Variants in ZNF432 observed in about 807,000 individuals in gnomAD.
The protein encoded by ZNF432 is zinc finger protein 432.
A neutral mutation model predicts 13.9 loss-of-function variants in ZNF432; 10 were observed. That is an observed-to-expected ratio of 0.72 (90% confidence interval 0.44 to 1.22). The LOEUF is 1.22. Among genes scored for constraint, ZNF432 ranks in the 50% most tolerant of loss-of-function variants. The pLI is 0.00. For synonymous variants in ZNF432, 247 were observed against 256.2 expected, an observed-to-expected ratio of 0.96 and a Z score of 0.34; for missense variants, 793 against 796.2, an observed-to-expected ratio of 1.00 and a Z score of 0.05.
intron 4 of ZNF432, 26 bp from the exon 5 acceptor site, chr19:52,035,466 C>T (rs2087072048): frequency 2.7e-6 from 4 of 1,487,436 alleles, no homozygotes; most frequent in Non-Finnish European, 3.6e-6. Flanking sequence ...ACAATGAATC[C>T]TTTTATAATC....
chr19:52,036,836 G>T lies in ZNF432; in HGVS notation c.239-1396C>A, dbSNP rs149126925. On this transcript the variant is annotated intron_variant, in intron 4 of 4. Transcript: ENST00000221315. ...CAGGCACATGCAACCATGCCTGATT[G>T]ATTTTTGTATTGTTTGTAGAGATGG... 3.0e-3 allele frequency among the ~76,000 whole-genome samples: 450 copies of T among 152,188 alleles called. 3 individuals carry two copies. Among genetic ancestry groups the T allele is most frequent in the Middle Eastern group, 0.017 (5 of 294 alleles).
At chr19:52,036,462 T>G (rs530021814) in intron 4 of ZNF432, among the ~76,000 whole-genome samples, 11 of 152,352 alleles carry the variant, frequency 7.2e-5, no homozygotes, top group African/African-American at 2.6e-4. Context: ...ACTAACTATA[T>G]GGCTTGAGCC....
chr19:52,035,186 A>G lies in ZNF432; in HGVS notation c.493T>C (p.Phe165Leu), dbSNP rs755916489. ...STKFSGDGKS[F>L]LHGNYEELYS... ...AGTTCTTCATAGTTACCATGAAGAA[A>G]TGATTTCCCATCTCCACTAAATTTA... Residue 165 changes from phenylalanine to leucine, a missense_variant, in exon 5 of 5, where the codon TTT (phenylalanine) becomes CTT (leucine). Physicochemically the swap from Phe to Leu is conservative, Grantham distance 22. Transcript: ENST00000221315. 3.7e-6 allele frequency: 6 copies of G among 1,613,168 alleles called. No individual in the cohort carries two copies. In the African/African-American group the frequency reaches 8.0e-5, roughly 22 times the overall value.
intron 4 of ZNF432, among the ~76,000 whole-genome samples, chr19:52,039,782 T>C (rs2087116514): frequency 7.7e-6 from 1 of 129,560 alleles, no homozygotes; most frequent in Non-Finnish European, 1.6e-5. Flanking sequence ...TGAGCCGAGA[T>C]CACACCATTG....
intron 4 of ZNF432, 76 bp downstream of exon 4, chr19:52,040,412 T>G: frequency 7.8e-7 from 1 of 1,276,550 alleles, no homozygotes; most frequent in Non-Finnish European, 1.1e-6. Flanking sequence ...GCACTGCTTC[T>G]GTGTCCTCAG....
At chr19:52,046,100 A>C (rs2087180001) in intron 2 of ZNF432, among the ~76,000 whole-genome samples, 1 of 152,088 alleles carries the variant, frequency 6.6e-6, no homozygotes, top group South Asian at 2.1e-4. Context: ...GTATGCAAGA[A>C]TTGGAGGTGA....
chr19:52,041,506 T>G lies in ZNF432; in HGVS notation c.116A>C (p.Glu39Ala). 6.2e-7 allele frequency: 1 copy of G among 1,608,940 alleles called. No homozygotes were observed. Among genetic ancestry groups the G allele is most frequent in the Non-Finnish European group, 8.5e-7 (1 of 1,176,946 alleles). Residue 39 changes from glutamate (E) to alanine (A), a missense_variant, in exon 3 of 5, where the codon GAG (glutamate) becomes GCG (alanine). Glu to Ala is a moderately radical substitution (Grantham distance 107, BLOSUM62 -1). Transcript: ENST00000221315. The part of the protein sequence containing the change: ...QKDLYRDVML[E>A]IYSNLLSMGY... ...CATTGATAGCAGGTTGCTGTAGATC[T>G]CCAACATCACATCCCGGTACAAATC...
In ZNF432 at chr19:52,047,777, AT is replaced by A. The variant is rs750413014; in HGVS notation, c.-192-718del. Among the ~76,000 whole-genome samples the A allele has an allele frequency of 3.3e-5, 5 of 152,282 alleles. No individual in the cohort carries two copies. In the East Asian group the frequency reaches 9.6e-4, roughly 29 times the overall value. On this transcript the variant is annotated intron_variant, in intron 1 of 4. Coordinates refer to ENST00000221315, the MANE Select transcript of ZNF432 (RefSeq NM_014650.4). ...AAAGGAATACGAGTTATAAATACAAATTTAGAAAACAATTCAAAAATATAAA... is the reference window on the plus strand; with the variant it reads ...AAAGGAATACGAGTTATAAATACAAATTAGAAAACAATTCAAAAATATAAA...
rs2087016496 is a variant in ZNF432, at chr19:52,031,818, T to G, written c.*1902A>C. 2 of 152,084 alleles carry G rather than the reference T, an allele frequency of 1.3e-5. No homozygotes were observed. The highest frequency in any genetic ancestry group is 6.6e-5 in the Admixed American group (1 of 15,258). 9.4% of individuals were successfully genotyped at this position (152,084 alleles called of 1,614,324 possible). On this transcript the variant is annotated 3_prime_UTR_variant, in exon 5 of 5. Coordinates refer to ENST00000221315, the MANE Select transcript of ZNF432 (RefSeq NM_014650.4). ...TTCAAGGCCAGCCTGGCCAACACAG[T>G]GAAACCCCGTCTCTACTAAAAATAC... is the stretch of plus-strand genomic sequence containing the variant.
intron 1 of ZNF432, among the ~76,000 whole-genome samples, chr19:52,048,182 C>CACACACACACACACAA (rs1482172095): frequency 1.2e-4 from 17 of 146,314 alleles, no homozygotes; most frequent in Middle Eastern, 3.5e-3. Context: ...CACACACACA[C>CACACACACACACACAA]AAAACCAGCC....
rs16983408 is a variant in ZNF432, at chr19:52,047,111, T to C, written c.-192-51A>G. On this transcript the variant is annotated intron_variant, in intron 1 of 4. Transcript: ENST00000221315. ...GTACATTCACCTTAACACGTGGCCCTGAATATTTGTCTCTTTATTTGGTTC... is the reference window on the plus strand; with the variant it reads ...GTACATTCACCTTAACACGTGGCCCCGAATATTTGTCTCTTTATTTGGTTC... The C allele has an allele frequency of 8.5e-3, 3,712 of 438,020 alleles. 115 individuals are homozygous for C. Among genetic ancestry groups the C allele is most frequent in the African/African-American group, 0.067 (3,357 of 49,928 alleles). The allele number at this position is 438,020 out of a possible 1,614,324, so 27.1% of individuals were successfully genotyped here. A position where few individuals can be genotyped will look rare whatever the true frequency, so the allele number is the denominator to read the frequency against.
At chr19:52,044,080 G>A (rs996124138) in intron 2 of ZNF432, among the ~76,000 whole-genome samples, 6 of 152,016 alleles carry the variant, frequency 3.9e-5, no homozygotes, top group African/African-American at 1.5e-4. Context: ...CACAAGTGTG[G>A]AGGGGCAACC....
intron 2 of ZNF432, among the ~76,000 whole-genome samples, chr19:52,043,490 T>C (rs1290313826): frequency 2.0e-5 from 3 of 152,050 alleles, no homozygotes; most frequent in East Asian, 1.9e-4. Context: ...CCCCATGTGA[T>C]AGTCTGAAAT....
At chr19:52,045,190 T>C (rs1261741629) in intron 2 of ZNF432, among the ~76,000 whole-genome samples, 3 of 152,126 alleles carry the variant, frequency 2.0e-5, no homozygotes, top group African/African-American at 7.2e-5. Context: ...TGTTTATATA[T>C]GCAGACACAT....
At position 52,034,414 on chromosome 19, in the gene ZNF432, T is replaced by C; in HGVS notation, c.1265A>G (p.Asn422Ser). 6.2e-7 allele frequency: 1 copy of C among 1,613,526 alleles called. No individual in the cohort carries two copies. Among genetic ancestry groups the C allele is most frequent in the Non-Finnish European group, 8.5e-7 (1 of 1,179,880 alleles). Residue 422 changes from asparagine to serine, a missense_variant, in exon 5 of 5, where the codon AAT becomes AGT. Physicochemically the swap from Asn to Ser is conservative, Grantham distance 46. Transcript: ENST00000221315. ...TAGATATGACTTCTCTACTGTATGA[T>C]TTCTCTGATGTACAATAAGATTACT... ...RKSNLIVHQR[N>S]HTVEKSYLCS... is the part of the protein sequence containing the mutation.
In ZNF432 at chr19:52,035,099, T is replaced by G; in HGVS notation, c.580A>C (p.Lys194Gln). ...TCTATTTCATGAGTTCTCTGATGCT[T>G]ACTGACTTGGGATTTAGTGCTATTG... ...KANSTKSQVS[K>Q]HQRTHEIEKN... The change falls in exon 5 of 5, where the codon AAG (lysine) becomes CAG (glutamine). Residue 194 changes from lysine to glutamine, a missense_variant. Transcript: ENST00000221315. 1 of 1,614,074 alleles carries G rather than the reference T, an allele frequency of 6.2e-7. No individual in the cohort carries two copies. Among genetic ancestry groups the G allele is most frequent in the Non-Finnish European group, 8.5e-7 (1 of 1,180,018 alleles).
In ZNF432 at chr19:52,047,019, A is replaced by AT; in HGVS notation, c.-152dup. The AT allele has an allele frequency of 1.3e-6, 1 of 761,936 alleles. No homozygotes were observed. The highest frequency in any genetic ancestry group is 2.5e-4 in the Middle Eastern group (1 of 4,070). The allele number at this position is 761,936 out of a possible 1,614,324, so 47.2% of individuals were successfully genotyped here. On this transcript the variant is annotated 5_prime_UTR_variant, in exon 2 of 5. The change creates a new upstream start codon in the 5' untranslated region. Transcript: ENST00000221315. ...GGTCCTGGAATCTTCCTCTTTCTTC[A>AT]TTTACTTCTTGTCTCTTCCCAGGGT...
chr19:52,033,051 C>A lies in ZNF432; in HGVS notation c.*669G>T, dbSNP rs1335718509. On this transcript the variant is annotated 3_prime_UTR_variant, in exon 5 of 5. Transcript: ENST00000221315. ...CCATAGAAGGCTTTCCTAGCCTACT[C>A]CTTTGTAAGATTTATCTCAGTAAAT... The A allele has an allele frequency of 6.6e-6, 1 of 152,198 alleles. No individual in the cohort carries two copies. Among genetic ancestry groups the A allele is most frequent in the Non-Finnish European group, 1.5e-5 (1 of 68,056 alleles). 9.4% of individuals were successfully genotyped at this position (152,198 alleles called of 1,614,324 possible).
At position 52,034,035 on chromosome 19, in the gene ZNF432, T is replaced by G; in HGVS notation, c.1644A>C (p.Lys548Asn). The change falls in exon 5 of 5, where the codon AAA becomes AAC. Residue 548 changes from lysine to asparagine, a missense_variant. Physicochemically the swap from Lys to Asn is moderately conservative, Grantham distance 94 (BLOSUM62 0). Transcript: ENST00000221315. Reference sequence around the variant, plus strand: ...TGAGATAGCGTTTCATGGTGAAGCCTTTTCCACATTCACTGCACATAAAGG... The same window carrying G: ...TGAGATAGCGTTTCATGGTGAAGCCGTTTCCACATTCACTGCACATAAAGG... The part of the protein sequence containing the change: ...EKPFMCSECG[K>N]GFTMKRYLIV... 1 of 1,614,162 alleles carries G rather than the reference T, an allele frequency of 6.2e-7. No homozygotes were observed. The highest frequency in any genetic ancestry group is 8.5e-7 in the Non-Finnish European group (1 of 1,180,022).
Sources: allele counts gnomAD v4.1 joint callset (sites outside exome capture counted in the v4.1 genomes callset), GRCh38; gene constraint gnomAD v4.1.1; transcripts MANE v1.5; gene names NCBI Gene and HGNC (gene_info 2026-07-23, HGNC 2026-07-21).